TMEM132D: variants seen among roughly 807,000 people sequenced by gnomAD.
TMEM132D encodes the protein mature OL transmembrane protein.
Under a neutral mutation model 62.3 loss-of-function variants are expected in TMEM132D, and 21 were observed. The observed-to-expected ratio is 0.34, with a 90% CI of 0.24 to 0.49. TMEM132D has a LOEUF of 0.49. TMEM132D is among the 20% of genes least tolerant of loss of function. The pLI, the probability that TMEM132D is intolerant of heterozygous loss-of-function variation, is 0.99. For synonymous variants in TMEM132D, 621 were observed against 575.6 expected, an observed-to-expected ratio of 1.08 and a Z score of -1.13; for missense variants, 1,346 against 1,402.8, an observed-to-expected ratio of 0.96 and a Z score of 0.65.
Position 129,273,078 on chromosome 12 carries a change from C to T in TMEM132D, c.1300-63415G>A, listed in dbSNP as rs143519803. On this transcript the variant is annotated intron_variant, in intron 4 of 8. Coordinates refer to ENST00000422113, the MANE Select transcript of TMEM132D (RefSeq NM_133448.3). ...GGGTGTGGTGGCATATGCCTGTAAT[C>T]CCAGCTACTTGGCAGGCTGAGGCAC... Among the ~76,000 whole-genome samples, 134 of 151,832 alleles carry T rather than the reference C, an allele frequency of 8.8e-4. 2 individuals carry two copies. The East Asian group carries it at 0.022, about 25-fold the overall frequency.
At chr12:129,590,431 C>T (rs265631) in intron 2 of TMEM132D, among the ~76,000 whole-genome samples, 103,259 of 152,066 alleles carry the variant, frequency 0.68, 35,295 homozygotes, top group East Asian at 0.84. Context: ...CATATTGCTG[C>T]TCCCACAGGT....
chr12:129,153,928 A>G (rs771551383), intron 5 of TMEM132D, among the ~76,000 whole-genome samples: 1 of 152,184 alleles, frequency 6.6e-6, no homozygotes, highest in Non-Finnish European at 1.5e-5. Context: ...ACCTAGATGG[A>G]AGGAGATGAC....
At position 129,700,150 on chromosome 12, in the gene TMEM132D, C is replaced by T. The variant is rs751657289; in HGVS notation, c.628G>A (p.Ala210Thr). Residue 210 changes from alanine (A) to threonine (T), a missense_variant, in exon 2 of 9, where the codon GCC becomes ACC. Transcript: ENST00000422113. ...SSWFSPPTVV[A>T]GRRKSVDQPE... ...TGGTCCACGGACTTCCTCCTCCCGG[C>T]AACCACCGTGGGGGGGCTGAACCAG... 1 of 1,613,192 alleles carries T rather than the reference C, an allele frequency of 6.2e-7. No homozygotes were observed. The highest frequency in any genetic ancestry group is 8.5e-7 in the Non-Finnish European group (1 of 1,180,020).
At chr12:129,599,813 C>A (rs1329877902) in intron 2 of TMEM132D, among the ~76,000 whole-genome samples, 1 of 152,172 alleles carries the variant, frequency 6.6e-6, no homozygotes, top group East Asian at 1.9e-4. Flanking sequence ...AAACTATGTA[C>A]ATGCTTCAAT....
At position 129,081,355 on chromosome 12, in the gene TMEM132D, G is replaced by A. The variant is rs544409710; in HGVS notation, c.1923+404C>T. Among the ~76,000 whole-genome samples, 3 of 152,310 alleles carry A rather than the reference G, an allele frequency of 2.0e-5. No homozygotes were observed. In the East Asian group the frequency reaches 5.8e-4, roughly 29 times the overall value. On this transcript the variant is annotated intron_variant, in intron 7 of 8. Coordinates refer to ENST00000422113, the MANE Select transcript of TMEM132D (RefSeq NM_133448.3). ...GCTCCATCATCCAGGTTGGAGTGTA[G>A]TGGCACGATCTCAGATCGCTGCAAC...
chr12:129,533,327 T>G (rs1402249762), intron 2 of TMEM132D, among the ~76,000 whole-genome samples: 1 of 152,240 alleles, frequency 6.6e-6, no homozygotes, highest in Non-Finnish European at 1.5e-5. Context: ...TTAGGATTCC[T>G]GCCTTGCAGA....
intron 3 of TMEM132D, among the ~76,000 whole-genome samples, chr12:129,461,432 G>C (rs1385873441): frequency 6.6e-6 from 1 of 151,986 alleles, no homozygotes. Flanking sequence ...GGAGAGGAAG[G>C]GTTTAGTTTG....
At position 129,074,050 on chromosome 12, in the gene TMEM132D, C is replaced by CT. The variant is rs1565954427; in HGVS notation, c.3124dup (p.Arg1042LysfsTer28). ...GAAGGTGGTAAATTTTACCCTTTTC[C>CT]TTTTTGAGGTAGGGGATGTTGGGGG... On this transcript the variant is annotated frameshift_variant, in exon 9 of 9. Coordinates refer to ENST00000422113, the MANE Select transcript of TMEM132D (RefSeq NM_133448.3). LOFTEE classifies it low-confidence loss of function (END_TRUNC). The CT allele has an allele frequency of 6.2e-7, 1 of 1,613,876 alleles. No homozygotes were observed. Among genetic ancestry groups the CT allele is most frequent in the Non-Finnish European group, 8.5e-7 (1 of 1,179,904 alleles).
intron 2 of TMEM132D, among the ~76,000 whole-genome samples, chr12:129,695,374 T>C (rs1049506373): frequency 1.6e-4 from 25 of 152,326 alleles, no homozygotes; most frequent in African/African-American, 6.0e-4. Context: ...AGCGGGGACA[T>C]ATGGGAACAC....
At chr12:129,826,784 C>T (rs1326945240) in intron 1 of TMEM132D, among the ~76,000 whole-genome samples, 1 of 152,158 alleles carries the variant, frequency 6.6e-6, no homozygotes, top group Non-Finnish European at 1.5e-5. Context: ...ACAGCAAGAT[C>T]CATCCGAGGA....
intron 2 of TMEM132D, among the ~76,000 whole-genome samples, chr12:129,537,579 C>T (rs1876432699): frequency 1.3e-5 from 2 of 150,918 alleles, no homozygotes; most frequent in South Asian, 4.1e-4. Flanking sequence ...TTTCCCACTG[C>T]CCTTCTGGTG....
chr12:129,831,181 C>G (rs1157712538), intron 1 of TMEM132D, among the ~76,000 whole-genome samples: 1 of 152,202 alleles, frequency 6.6e-6, no homozygotes, highest in Non-Finnish European at 1.5e-5. Context: ...CCAGCCCACT[C>G]ACCAGCACAT....
intron 5 of TMEM132D, among the ~76,000 whole-genome samples, chr12:129,158,190 G>A (rs899100339): frequency 2.6e-5 from 4 of 152,206 alleles, no homozygotes; most frequent in East Asian, 1.9e-4. Flanking sequence ...GATAAAGGTG[G>A]AGAGGAGAGG....
At position 129,087,872 on chromosome 12, in the gene TMEM132D, CGGGTGTCCTCCCTGACCG is replaced by C. The variant is rs1481363430; in HGVS notation, c.1444-3188_1444-3171del. Among the ~76,000 whole-genome samples the C allele has an allele frequency of 1.0e-3, 136 of 132,002 alleles. 11 individuals carry two copies. The highest frequency in any genetic ancestry group is 4.2e-3 in the South Asian group (18 of 4,250). The allele number at this position is 132,002 out of a possible 152,430, so 86.6% of individuals were successfully genotyped here. ...AGAGCCCCGGGGTGTCCTCCATGAC[CGGGTGTCCTCCCTGACCG>C]GGGTGTCCTCCCTGACCGGGGTGTC... On this transcript the variant is annotated intron_variant, in intron 5 of 8. Transcript: ENST00000422113.
intron 5 of TMEM132D, among the ~76,000 whole-genome samples, chr12:129,188,630 A>T (rs753607349): frequency 2.0e-5 from 3 of 152,092 alleles, no homozygotes; most frequent in Non-Finnish European, 4.4e-5. Context: ...GCTGTCAGGC[A>T]CAGGTGTGTC....
intron 3 of TMEM132D, among the ~76,000 whole-genome samples, chr12:129,505,767 T>G (rs1875310111): frequency 1.3e-5 from 2 of 152,232 alleles, no homozygotes; most frequent in Admixed American, 1.3e-4. Flanking sequence ...TTCTTATCAT[T>G]ATATAATGTC....
In TMEM132D at chr12:129,073,702, G is replaced by A. The variant is rs981713324; in HGVS notation, c.*173C>T. 9 of 563,160 alleles carry A rather than the reference G, an allele frequency of 1.6e-5. No homozygotes were observed. The highest frequency in any genetic ancestry group is 7.5e-5 in the African/African-American group (4 of 53,212). The allele number at this position is 563,160 out of a possible 1,614,324, so 34.9% of individuals were successfully genotyped here. Reference sequence around the variant, plus strand: ...CACTGTACTCTGGAATGTGTGCGTCGATGCGGACTCCAGGCCTCGCCGCCG... The same window carrying A: ...CACTGTACTCTGGAATGTGTGCGTCAATGCGGACTCCAGGCCTCGCCGCCG... On this transcript the variant is annotated 3_prime_UTR_variant, in exon 9 of 9. Transcript: ENST00000422113.
At chr12:129,788,205 C>T (rs1435498302) in intron 1 of TMEM132D, among the ~76,000 whole-genome samples, 4 of 152,318 alleles carry the variant, frequency 2.6e-5, no homozygotes, top group Middle Eastern at 3.4e-3. Context: ...TTTACTTGCA[C>T]GGACTCCTGG....
intron 3 of TMEM132D, among the ~76,000 whole-genome samples, chr12:129,453,410 G>T (rs1873363958): frequency 6.6e-6 from 1 of 152,166 alleles, no homozygotes; most frequent in African/African-American, 2.4e-5. Context: ...CAAAGAAAGG[G>T]CTAAGTCTGC....
Sources: gnomAD v4.1 joint callset for allele counts (sites outside exome capture counted in the v4.1 genomes callset) on GRCh38, gnomAD v4.1.1 for gene constraint, MANE v1.5 for transcripts, NCBI Gene and HGNC (gene_info 2026-07-23, HGNC 2026-07-21) for gene names.